LDHD: variants seen among roughly 807,000 people sequenced by gnomAD.
The protein encoded by LDHD is D-lactate dehydrogenase, mitochondrial.
LDHD carries 58 observed loss-of-function variants against 52.9 expected under a neutral mutation model. That is an observed-to-expected ratio of 1.10 (90% CI 0.89 to 1.36). The LOEUF (loss-of-function observed/expected upper bound fraction) is 1.36, where lower values mean the gene tolerates loss of function less well. LDHD is among the 40% of genes most tolerant of loss of function. LDHD has a pLI of 0.00. For missense variants in LDHD, 747 were observed against 668.0 expected (o/e 1.12, Z -1.30); for synonymous variants, 350 against 288.6 (o/e 1.21, Z -2.16).
In LDHD at chr16:75,114,178, G is replaced by T; in HGVS notation, c.630-13C>A. 6.2e-7 allele frequency: 1 copy of T among 1,611,384 alleles called. No homozygotes were observed. The highest frequency in any genetic ancestry group is 2.2e-5 in the East Asian group (1 of 44,868). On this transcript the variant is annotated splice_polypyrimidine_tract_variant and intron_variant, in intron 5 of 10. Coordinates refer to ENST00000450168, the MANE Select transcript of LDHD (RefSeq NM_194436.3). ...GGCTGCACTCTTCCTACGTCCCAGG[G>T]ACACACAAGGTGAGTACCAGGCTGT...
rs781298856 is a variant in LDHD, at chr16:75,113,583, T to A, written c.1038A>T (p.Ala346=). Reference sequence around the variant, plus strand: ...GGGCTGCGTACCAGGCATTGTGCCGTGCTGTCCAAAGCCGGCTGCGCTCCT... The same window carrying A: ...GGGCTGCGTACCAGGCATTGTGCCGAGCTGTCCAAAGCCGGCTGCGCTCCT... ...EAEERSRLWT[A]RHNAWYAALA... Residue 346 remains alanine, a synonymous_variant, in exon 8 of 11, where the codon GCA becomes GCT. Transcript: ENST00000450168. 6.2e-7 allele frequency: 1 copy of A among 1,613,140 alleles called. No individual in the cohort carries two copies. The highest frequency in any genetic ancestry group is 1.3e-5 in the African/African-American group (1 of 75,052).
Position 75,115,604 on chromosome 16 carries a change from G to A in LDHD, c.129C>T (p.His43=), listed in dbSNP as rs1281576564. 3.1e-6 allele frequency: 5 copies of A among 1,612,582 alleles called. No homozygotes were observed. Among genetic ancestry groups the A allele is most frequent in the Non-Finnish European group, 4.2e-6 (5 of 1,179,886 alleles). The change falls in exon 2 of 11, where the codon CAC becomes CAT. Residue 43 remains histidine (H), a synonymous_variant. Transcript: ENST00000450168. Reference sequence around the variant, plus strand: ...CTCGGACCACCGCGGCAGTGGACACGTGGGAGCCGCCCACCACGGCCTTCA... The same window carrying A: ...CTCGGACCACCGCGGCAGTGGACACATGGGAGCCGCCCACCACGGCCTTCA... ...EALKAVVGGS[H]VSTAAVVREQ...
At chr16:75,114,405 G>C in intron 5 of LDHD, 121 bp downstream of exon 5, 1 of 1,360,374 alleles carries the variant, frequency 7.4e-7, no homozygotes, top group Non-Finnish European at 9.7e-7. Context: ...AGAGCCTGAG[G>C]AAGCCTAGCC....
intron 8 of LDHD, 57 bp from the exon 9 acceptor site, chr16:75,112,981 G>C: frequency 7.4e-7 from 1 of 1,343,852 alleles, no homozygotes; most frequent in Non-Finnish European, 1.0e-6. Flanking sequence ...CGGGGTCACC[G>C]TGGTCAAGGC....
chr16:75,112,746 C>A lies in LDHD; in HGVS notation c.1178-33G>T, dbSNP rs200490505. ...CCCAGAGGACAGAACTATTCTCCAG[C>A]CCAGTCCTCCTCTTGCCTCCTGCTG... On this transcript the variant is annotated intron_variant, in intron 9 of 10. Transcript: ENST00000450168. The A allele has an allele frequency of 4.9e-5, 79 of 1,602,668 alleles. 1 individual carries two copies. In the African/African-American group the frequency reaches 8.8e-4, roughly 18 times the overall value.
At chr16:75,115,123 G>T (rs1294173836) in intron 3 of LDHD, 75 bp downstream of exon 3, 3 of 1,550,120 alleles carry the variant, frequency 1.9e-6, no homozygotes, top group Non-Finnish European at 1.7e-6. Context: ...GCCGTGTGTG[G>T]CGGGGGAGGC....
At position 75,112,661 on chromosome 16, in the gene LDHD, G is replaced by T. The variant is rs2036426509; in HGVS notation, c.1230C>A (p.Val410=). Residue 410 remains valine (V), a synonymous_variant, in exon 10 of 11, where the codon GTC becomes GTA. Coordinates refer to ENST00000450168, the MANE Select transcript of LDHD (RefSeq NM_194436.3). Reference sequence around the variant, plus strand: ...CCAGTTCCTCGGCGTCATCAGGGTTGACCAGCAGGATGCAGTGGAAGTTGC... The same window carrying T: ...CCAGTTCCTCGGCGTCATCAGGGTTTACCAGCAGGATGCAGTGGAAGTTGC... ...GDGNFHCILL[V]NPDDAEELGR... The T allele has an allele frequency of 6.2e-7, 1 of 1,614,134 alleles. No individual in the cohort carries two copies. Among genetic ancestry groups the T allele is most frequent in the Non-Finnish European group, 8.5e-7 (1 of 1,180,034 alleles).
intron 3 of LDHD, 93 bp downstream of exon 3, chr16:75,115,105 C>A: frequency 6.4e-7 from 1 of 1,551,802 alleles, no homozygotes; most frequent in African/African-American, 1.3e-5. Flanking sequence ...CGGGAGCAGA[C>A]CCAAGGTGCC....
rs779880029 is a variant in LDHD, at chr16:75,112,640, T to A, written c.1251A>T (p.Glu417Asp). 2.5e-6 allele frequency: 4 copies of A among 1,613,942 alleles called. No homozygotes were observed. Reference protein sequence around the residue: ...ILLVNPDDAEELGRVKAFAEQ... With the variant: ...ILLVNPDDAEDLGRVKAFAEQ... Reference sequence around the variant, plus strand: ...CTGCAAAAGCCTTGACCCTGCCCAGTTCCTCGGCGTCATCAGGGTTGACCA... The same window carrying A: ...CTGCAAAAGCCTTGACCCTGCCCAGATCCTCGGCGTCATCAGGGTTGACCA... The change falls in exon 10 of 11, where the codon GAA becomes GAT. Residue 417 changes from glutamate to aspartate, a missense_variant. By Grantham distance (45) the Glu-to-Asp change is conservative (BLOSUM62 2). Transcript: ENST00000450168.
In LDHD at chr16:75,114,030, A is replaced by G. The variant is rs1597922008; in HGVS notation, c.765T>C (p.Ser255=). 1 of 1,609,376 alleles carries G rather than the reference A, an allele frequency of 6.2e-7. No homozygotes were observed. The highest frequency in any genetic ancestry group is 8.5e-7 in the Non-Finnish European group (1 of 1,179,288). The part of the protein sequence containing the change: ...ATVAATCAFP[S]VQAAVDSTVH... The stretch of plus-strand genomic sequence containing the variant: ...CAGTGCTGTCCACAGCAGCCTGGAC[A>G]CTGGGGAACGCACACGTGGCGGCCA... The change falls in exon 6 of 11, where the codon AGT becomes AGC. Residue 255 remains serine, a synonymous_variant. Transcript: ENST00000450168.
Position 75,114,503 on chromosome 16 carries a change from G to T in LDHD, c.629+23C>A, listed in dbSNP as rs1030194395. ...CAGCAGTGCCCAGGGCCAGAGCCCGGGCCCCCCGCAGAGGGCGCTCACCGG... is the reference window on the plus strand; with the variant it reads ...CAGCAGTGCCCAGGGCCAGAGCCCGTGCCCCCCGCAGAGGGCGCTCACCGG... On this transcript the variant is annotated intron_variant, in intron 5 of 10. Coordinates refer to ENST00000450168, the MANE Select transcript of LDHD (RefSeq NM_194436.3). The T allele has an allele frequency of 5.4e-6, 8 of 1,490,080 alleles. No homozygotes were observed. In the East Asian group the frequency reaches 1.7e-4, roughly 32 times the overall value. 92.3% of individuals were successfully genotyped at this position (1,490,080 alleles called of 1,614,324 possible).
chr16:75,113,124 C>T (rs1197006627), intron 8 of LDHD, among the ~76,000 whole-genome samples, 200 bp from the exon 9 acceptor site: 3 of 152,148 alleles, frequency 2.0e-5, no homozygotes, highest in Non-Finnish European at 2.9e-5. Flanking sequence ...GTGTGCTTGC[C>T]ACACCTCCCC....
At chr16:75,115,823 C>G (rs2036543651) in intron 1 of LDHD, among the ~76,000 whole-genome samples, 163 bp from the exon 2 acceptor site, 1 of 152,184 alleles carries the variant, frequency 6.6e-6, no homozygotes, top group South Asian at 2.1e-4. Context: ...TTTAAACAAA[C>G]CCACTATCCA....
At position 75,113,853 on chromosome 16, in the gene LDHD, T is replaced by A; in HGVS notation, c.847A>T (p.Met283Leu). 2 of 1,614,020 alleles carry A rather than the reference T, an allele frequency of 1.2e-6. No individual in the cohort carries two copies. Among genetic ancestry groups the A allele is most frequent in the Non-Finnish European group, 1.7e-6 (2 of 1,180,018 alleles). The stretch of plus-strand genomic sequence containing the variant: ...CTGTACCTGTTGCAGGCATCCATCA[T>A]GACTTCATCCAGGAACTCTGGATCC... ...VARIEFLDEVMMDACNRYSKL... is the reference protein window; with the variant it reads ...VARIEFLDEVLMDACNRYSKL... The change falls in exon 7 of 11, where the codon ATG (methionine) becomes TTG (leucine). Residue 283 changes from methionine to leucine, a missense_variant. Met to Leu is a conservative substitution (Grantham distance 15). Coordinates refer to ENST00000450168, the MANE Select transcript of LDHD (RefSeq NM_194436.3).
At position 75,114,527 on chromosome 16, in the gene LDHD, G is replaced by A. The variant is rs913640306; in HGVS notation, c.628C>T (p.Arg210Trp). Reference protein sequence around the residue: ...LHTAGRGRHFRKSAAGYNLTG... With the variant: ...LHTAGRGRHFWKSAAGYNLTG... ...GGGCCCCCCGCAGAGGGCGCTCACCGGAAATGCCGGCCTCGGCCCGCCGTG... is the reference window on the plus strand; with the variant it reads ...GGGCCCCCCGCAGAGGGCGCTCACCAGAAATGCCGGCCTCGGCCCGCCGTG... The change falls in exon 5 of 11, where the codon CGG becomes TGG. Residue 210 changes from arginine to tryptophan, a missense_variant and splice_region_variant. Coordinates refer to ENST00000450168, the MANE Select transcript of LDHD (RefSeq NM_194436.3). The A allele has an allele frequency of 2.0e-6, 3 of 1,519,546 alleles. No individual in the cohort carries two copies. Among genetic ancestry groups the A allele is most frequent in the South Asian group, 2.4e-5 (2 of 82,322 alleles). The allele number at this position is 1,519,546 out of a possible 1,614,324, so 94.1% of individuals were successfully genotyped here. A position where few individuals can be genotyped will look rare whatever the true frequency, so the allele number is the denominator to read the frequency against.
rs1489209002 is a variant in LDHD, at chr16:75,114,640, G to A, written c.515C>T (p.Ala172Val). Residue 172 changes from alanine (A) to valine (V), a missense_variant, in exon 5 of 11, where the codon GCG becomes GTG. Transcript: ENST00000450168. Reference protein sequence around the residue: ...ASLCGMAATGASGTNAVRYGT... With the variant: ...ASLCGMAATGVSGTNAVRYGT... ...GTAGCGGACCGCGTTGGTCCCCGAC[G>A]CCCCGGTGGCCGCCATGCCACAGAG... The A allele has an allele frequency of 1.4e-5, 22 of 1,530,308 alleles. No homozygotes were observed. Among genetic ancestry groups the A allele is most frequent in the Non-Finnish European group, 1.9e-5 (22 of 1,140,560 alleles). 94.8% of individuals were successfully genotyped at this position (1,530,308 alleles called of 1,614,324 possible).
Position 75,113,599 on chromosome 16 carries a change from C to T in LDHD, c.1022G>A (p.Ser341Asn). The change falls in exon 8 of 11, where the codon AGC (serine) becomes AAC (asparagine). Residue 341 changes from serine (S) to asparagine (N), a missense_variant. Transcript: ENST00000450168. Reference protein sequence around the residue: ...FSWAKEAEERSRLWTARHNAW... With the variant: ...FSWAKEAEERNRLWTARHNAW... Reference sequence around the variant, plus strand: ...ATTGTGCCGTGCTGTCCAAAGCCGGCTGCGCTCCTCGGCCTCCTTGGCCCA... The same window carrying T: ...ATTGTGCCGTGCTGTCCAAAGCCGGTTGCGCTCCTCGGCCTCCTTGGCCCA... 6.2e-7 allele frequency: 1 copy of T among 1,613,220 alleles called. No individual in the cohort carries two copies.
intron 4 of LDHD, 43 bp downstream of exon 4, chr16:75,114,784 C>T (rs750452234): frequency 3.1e-6 from 5 of 1,597,230 alleles, no homozygotes; most frequent in Admixed American, 3.4e-5. Flanking sequence ...AGCCCTGCTC[C>T]CACGGTGCCC....
chr16:75,113,231 C>CT (rs1487550969), intron 8 of LDHD, among the ~76,000 whole-genome samples: 1 of 152,206 alleles, frequency 6.6e-6, no homozygotes, highest in Non-Finnish European at 1.5e-5. Context: ...ATCCCCCTCT[C>CT]TATCATCTCT....
Sources: gnomAD v4.1 joint callset for allele counts (sites outside exome capture counted in the v4.1 genomes callset) on GRCh38, gnomAD v4.1.1 for gene constraint, MANE v1.5 for transcripts, NCBI Gene and HGNC (gene_info 2026-07-23, HGNC 2026-07-21) for gene names.